UNC79: variants seen among roughly 807,000 people sequenced by gnomAD.
UNC79 encodes the protein unc-79 subunit of NALCN channel complex.
Under a neutral mutation model 283.1 loss-of-function variants are expected in UNC79, and 37 were observed. That is an observed-to-expected ratio of 0.13 (90% CI 0.10 to 0.17). The LOEUF is 0.17. UNC79 is among the 10% of genes least tolerant of loss of function. UNC79 has a pLI of 1.00. For missense variants in UNC79, 2,272 were observed against 3,211.1 expected (o/e 0.71, Z 7.07); for synonymous variants, 1,107 against 1,200.2 (o/e 0.92, Z 1.61).
In UNC79 at chr14:93,621,815, A is replaced by G. The variant is rs1416669192; in HGVS notation, c.4582A>G (p.Ile1528Val). The change falls in exon 30 of 49, where the codon ATA becomes GTA. Residue 1528 changes from isoleucine to valine, a missense_variant. Transcript: ENST00000555664. This position sits in a 1 kb window ranked among gnomAD's most constrained non-coding sequence, Gnocchi z 4.8. ...GAAGTCGTGCATAGATCGGTGTGAC[A>G]TAGAGAAGCCTCCGACCCAAGCTGC... 1.9e-6 allele frequency: 3 copies of G among 1,614,160 alleles called. No homozygotes were observed. Among genetic ancestry groups the G allele is most frequent in the Non-Finnish European group, 2.5e-6 (3 of 1,180,026 alleles).
chr14:93,364,188 C>A (rs2054282436), intron 1 of UNC79, among the ~76,000 whole-genome samples: 1 of 152,116 alleles, frequency 6.6e-6, no homozygotes. Context: ...ACCCATGCAA[C>A]CAGCTCCCAG....
intron 1 of UNC79, among the ~76,000 whole-genome samples, chr14:93,419,109 C>T (rs944658012): frequency 6.9e-6 from 1 of 145,156 alleles, no homozygotes; most frequent in Non-Finnish European, 1.5e-5. Context: ...CACCCGTCTT[C>T]TGTGTCACGC....
chr14:93,572,173 C>T (rs996242022), intron 15 of UNC79, 89 bp downstream of exon 15: 74 of 1,350,558 alleles, frequency 5.5e-5, no homozygotes, highest in Admixed American at 1.0e-4. Context: ...CCCTACTAAG[C>T]GTTTTATATA....
chr14:93,578,130 C>T (rs2063574237), intron 18 of UNC79, 67 bp downstream of exon 18: 1 of 1,449,296 alleles, frequency 6.9e-7, no homozygotes, highest in Non-Finnish European at 9.5e-7. Context: ...TACAGCAATT[C>T]TTTCCATGTG....
exon 26 of UNC79, chr14:93,603,368 T>C (rs762133090): frequency 6.2e-7 from 1 of 1,614,156 alleles, no homozygotes; most frequent in Non-Finnish European, 8.5e-7. Context: ...AAAGGGCCTG[T>C]GGAATCCAAG....
chr14:93,609,867 G>C (rs2066171396), intron 26 of UNC79, among the ~76,000 whole-genome samples: 1 of 152,158 alleles, frequency 6.6e-6, no homozygotes, highest in Non-Finnish European at 1.5e-5. Context: ...GTGCAGATTT[G>C]CAAAGCCCAC....
intron 1 of UNC79, chr14:93,347,060 C>A: frequency 1.9e-6 from 1 of 515,328 alleles, no homozygotes. Flanking sequence ...GTGGAAAGGG[C>A]AGTACAGAGA....
intron 41 of UNC79, 121 bp from the exon 45 acceptor site, chr14:93,682,496 T>A (rs2073926067): frequency 1.2e-6 from 1 of 849,820 alleles, no homozygotes; most frequent in Non-Finnish European, 1.9e-6. Flanking sequence ...ATCTGATCTA[T>A]CCAAGGCAGA....
chr14:93,407,072 A>G (rs531610736), intron 1 of UNC79, among the ~76,000 whole-genome samples: 3 of 152,154 alleles, frequency 2.0e-5, no homozygotes, highest in Admixed American at 6.5e-5. Context: ...CTTTCCATGA[A>G]CTTATTTCCT....
chr14:93,644,518 G>T (rs2069386142), intron 34 of UNC79, among the ~76,000 whole-genome samples: 1 of 152,128 alleles, frequency 6.6e-6, no homozygotes, highest in Admixed American at 6.5e-5. Flanking sequence ...GACAGTTACT[G>T]TGGACTCATT....
chr14:93,402,068 A>C (rs1230512809), intron 1 of UNC79, among the ~76,000 whole-genome samples: 2 of 152,146 alleles, frequency 1.3e-5, no homozygotes, highest in Non-Finnish European at 2.9e-5. Context: ...ACCAGAGGTC[A>C]GGAGTTTGAG....
intron 2 of UNC79, among the ~76,000 whole-genome samples, chr14:93,470,981 T>A (rs1159514189): frequency 6.6e-6 from 1 of 152,206 alleles, no homozygotes. Context: ...TTGGAATTTC[T>A]TCCCCCAGAT....
rs1734963677 is a variant in UNC79 at position 93,453,594 on chromosome 14, T to C, written c.23-14077T>C. ...ATAAGCACAGTATTCAGATATCTTA[T>C]CTCATTAATTAGAAAGTGCAAGCTC... On this transcript the variant is annotated intron_variant, in intron 1 of 48. Transcript: ENST00000555664. Among the ~76,000 whole-genome samples the C allele has an allele frequency of 1.3e-5, 2 of 152,238 alleles. 1 individual carries two copies. Among genetic ancestry groups the C allele is most frequent in the South Asian group, 4.1e-4 (2 of 4,832 alleles).
chr14:93,408,778 T>G (rs537280860), intron 1 of UNC79, among the ~76,000 whole-genome samples: 165 of 152,296 alleles, frequency 1.1e-3, no homozygotes, highest in Admixed American at 2.7e-3. Context: ...TAAAGCAAGA[T>G]GTTAGTAATG....
intron 37 of UNC79, among the ~76,000 whole-genome samples, chr14:93,654,924 T>G (rs1307644496): frequency 6.6e-6 from 1 of 152,224 alleles, no homozygotes; most frequent in African/African-American, 2.4e-5. Context: ...TGCTCAGTCT[T>G]TGTGCTGGGG....
chr14:93,404,636 T>C (rs2055190018), intron 1 of UNC79, among the ~76,000 whole-genome samples: 1 of 148,038 alleles, frequency 6.8e-6, no homozygotes, highest in African/African-American at 2.5e-5. Flanking sequence ...AAATTTATAT[T>C]AAAAGTAAGA....
intron 22 of UNC79, among the ~76,000 whole-genome samples, chr14:93,588,070 C>CTTTA (rs528106759): frequency 0.011 from 1,614 of 151,892 alleles, 16 homozygotes; most frequent in Middle Eastern, 0.024. Flanking sequence ...GATACTGAAG[C>CTTTA]TTTATTTATT....
exon 49 of UNC79, chr14:93,706,849 T>C: frequency 6.2e-7 from 1 of 1,614,220 alleles, no homozygotes; most frequent in Non-Finnish European, 8.5e-7. Context: ...CAGTTCAAAA[T>C]GGCCCAGGTG....
intron 1 of UNC79, among the ~76,000 whole-genome samples, chr14:93,404,515 A>ATATATATATATATATAAAT (rs1566915302): frequency 1.3e-5 from 1 of 76,830 alleles, no homozygotes; most frequent in Non-Finnish European, 2.8e-5. Flanking sequence ...TATATATATA[A>ATATATATATATATATAAAT]ATATATACAT....
Sources: allele counts gnomAD v4.1 joint callset (sites outside exome capture counted in the v4.1 genomes callset), GRCh38; gene constraint gnomAD v4.1.1; non-coding constraint Gnocchi (gnomAD v3.1); transcripts MANE v1.5; gene names NCBI Gene and HGNC (gene_info 2026-07-23, HGNC 2026-07-21).